The following PEAK1 variants were observed in gnomAD, a reference collection of about 807,000 sequenced individuals.
PEAK1 encodes the protein pseudopodium enriched atypical kinase 1.
PEAK1 carries 54 observed loss-of-function variants against 124.7 expected under a neutral mutation model. The ratio of observed to expected loss-of-function variants is 0.43; its 90% CI spans 0.35 to 0.54. The LOEUF (loss-of-function observed/expected upper bound fraction) is 0.54. PEAK1 is among the 20% of genes least tolerant of loss of function. The pLI is 0.01. For synonymous variants in PEAK1, 719 were observed against 760.0 expected (o/e 0.95, Z 0.89); for missense variants, 2,046 against 2,134.5 (o/e 0.96, Z 0.82).
intron 2 of PEAK1, among the ~76,000 whole-genome samples, chr15:77,319,789 C>T (rs2065084558): frequency 6.6e-6 from 1 of 152,100 alleles, no homozygotes; most frequent in African/African-American, 2.4e-5. Context: ...CCTTCTAATA[C>T]CAAATTTATA....
intron 9 of PEAK1, among the ~76,000 whole-genome samples, chr15:77,130,777 A>G (rs1404935227): frequency 6.6e-6 from 1 of 152,222 alleles, no homozygotes; most frequent in Non-Finnish European, 1.5e-5. Context: ...ACTTGATCCT[A>G]CACTCACTGT....
chr15:77,266,553 C>T (rs957353880), intron 5 of PEAK1, among the ~76,000 whole-genome samples: 6 of 152,178 alleles, frequency 3.9e-5, no homozygotes, highest in African/African-American at 1.4e-4. Context: ...AATCTCATGA[C>T]ATAATGTCCA....
intron 7 of PEAK1, among the ~76,000 whole-genome samples, chr15:77,165,644 T>C (rs1170018256): frequency 6.6e-6 from 1 of 152,148 alleles, no homozygotes; most frequent in Non-Finnish European, 1.5e-5. Context: ...AATGATAACA[T>C]ACACTTAACT....
At chr15:77,176,055 G>C (rs1332288492) in intron 7 of PEAK1, among the ~76,000 whole-genome samples, 1 of 151,072 alleles carries the variant, frequency 6.6e-6, no homozygotes, top group Non-Finnish European at 1.5e-5. Flanking sequence ...TGAACAATGA[G>C]AACACATGGA....
At chr15:77,383,019 CTTTTTT>C (rs752564656) in intron 1 of PEAK1, among the ~76,000 whole-genome samples, 2 of 130,414 alleles carry the variant, frequency 1.5e-5, no homozygotes, top group East Asian at 2.1e-4. Flanking sequence ...TTTGTATCTC[CTTTTTT>C]TTTTTTTTTT....
chr15:77,246,782 G>A (rs1596849708), intron 6 of PEAK1, among the ~76,000 whole-genome samples: 1 of 152,278 alleles, frequency 6.6e-6, no homozygotes, highest in East Asian at 1.9e-4. Flanking sequence ...CACTTTGGGA[G>A]GCCGAGGTGG....
Position 77,114,020 on chromosome 15 carries a change from G to T in PEAK1, c.*136C>A. ...GGGCAGTGGATAACCTTTCTGAATA[G>T]ACCCACTTGTTCACGGACAGGGATA... On this transcript the variant is annotated 3_prime_UTR_variant, in exon 10 of 10. Coordinates refer to ENST00000682557, the MANE Select transcript of PEAK1 (RefSeq NM_001385026.1). The T allele has an allele frequency of 1.1e-6, 1 of 893,598 alleles. No homozygotes were observed. The highest frequency in any genetic ancestry group is 1.7e-6 in the Non-Finnish European group (1 of 574,264). The allele number at this position is 893,598 out of a possible 1,614,324, so 55.4% of individuals were successfully genotyped here. A position where few individuals can be genotyped will look rare whatever the true frequency, so the allele number is the denominator to read the frequency against.
chr15:77,314,058 G>C (rs568251199), intron 2 of PEAK1, among the ~76,000 whole-genome samples: 11 of 152,090 alleles, frequency 7.2e-5, no homozygotes, highest in African/African-American at 1.9e-4. Flanking sequence ...TATTTCTGTG[G>C]TCTTCCTTTC....
chr15:77,264,719 A>T (rs932622901), intron 5 of PEAK1, among the ~76,000 whole-genome samples: 2 of 152,128 alleles, frequency 1.3e-5, no homozygotes, highest in African/African-American at 4.8e-5. Flanking sequence ...CCATCAAGCT[A>T]CCAATGACTT....
chr15:77,265,633 T>G (rs980081176), intron 5 of PEAK1, among the ~76,000 whole-genome samples: 2 of 151,578 alleles, frequency 1.3e-5, no homozygotes, highest in South Asian at 2.1e-4. Flanking sequence ...TGTGGAGAAA[T>G]AGGAACACTT....
intron 6 of PEAK1, among the ~76,000 whole-genome samples, chr15:77,182,899 G>A (rs2057357847): frequency 6.6e-6 from 1 of 152,008 alleles, no homozygotes. Flanking sequence ...AATCCAATTT[G>A]CATTTTAAAA....
intron 8 of PEAK1, among the ~76,000 whole-genome samples, chr15:77,150,531 C>CT (rs778227328): frequency 6.6e-5 from 10 of 151,910 alleles, no homozygotes; most frequent in Non-Finnish European, 1.3e-4. Flanking sequence ...TTTTATTACA[C>CT]TTTAAGTTTT....
chr15:77,153,674 G>C (rs151326670), intron 8 of PEAK1, among the ~76,000 whole-genome samples: 41,470 of 151,968 alleles, frequency 0.27, 6,697 homozygotes, highest in Non-Finnish European at 0.37. Context: ...CAGAGATTCT[G>C]GTATGTTGTG....
chr15:77,404,645 T>C (rs920976275), intron 1 of PEAK1: 4 of 949,404 alleles, frequency 4.2e-6, no homozygotes, highest in Non-Finnish European at 5.0e-6. Context: ...CCCAAGAGAT[T>C]TGAGACATAT....
intron 2 of PEAK1, among the ~76,000 whole-genome samples, chr15:77,321,870 CA>C (rs1260515361): frequency 6.6e-6 from 1 of 152,098 alleles, no homozygotes; most frequent in African/African-American, 2.4e-5. Context: ...CAGCTTTCTA[CA>C]CATGGCTAGC....
intron 1 of PEAK1, among the ~76,000 whole-genome samples, chr15:77,393,585 G>T (rs2070659385): frequency 6.6e-6 from 1 of 152,196 alleles, no homozygotes; most frequent in Admixed American, 6.5e-5. Context: ...TGCATCATCT[G>T]CTGACTAAAG....
intron 2 of PEAK1, among the ~76,000 whole-genome samples, chr15:77,345,027 T>A (rs1342538624): frequency 3.3e-5 from 5 of 152,136 alleles, no homozygotes; most frequent in Non-Finnish European, 7.4e-5. Context: ...TTTGGATAAA[T>A]TTTTTTTCTT....
chr15:77,348,852 G>A, intron 2 of PEAK1: 2 of 943,514 alleles, frequency 2.1e-6, no homozygotes, highest in Non-Finnish European at 2.5e-6. Context: ...GTGTTGCTCA[G>A]GCTGGTCTTG....
chr15:77,212,677 C>T (rs1161083807), intron 6 of PEAK1, among the ~76,000 whole-genome samples: 1 of 152,172 alleles, frequency 6.6e-6, no homozygotes, highest in Non-Finnish European at 1.5e-5. Flanking sequence ...TATTTATCTG[C>T]TCCCTTCACT....
Sources: gnomAD v4.1 joint callset for allele counts (sites outside exome capture counted in the v4.1 genomes callset) on GRCh38, gnomAD v4.1.1 for gene constraint, MANE v1.5 for transcripts, NCBI Gene and HGNC (gene_info 2026-07-23, HGNC 2026-07-21) for gene names.